Variants in PLCZ1 observed in about 807,000 individuals in gnomAD.
PLCZ1 encodes 1-phosphatidylinositol 4,5-bisphosphate phosphodiesterase zeta-1.
Under a neutral mutation model 76.8 loss-of-function variants are expected in PLCZ1, and 64 were observed. The observed-to-expected ratio is 0.83, with a 90% CI of 0.68 to 1.03. The LOEUF is 1.03. PLCZ1 is among the 50% of genes least tolerant of loss of function. PLCZ1 has a pLI of 0.00. For missense variants in PLCZ1, 751 were observed against 713.7 expected, an observed-to-expected ratio of 1.05 and a Z score of -0.60; for synonymous variants, 248 against 230.8, an observed-to-expected ratio of 1.07 and a Z score of -0.68.
At position 18,687,946 on chromosome 12, in the gene PLCZ1, T is replaced by A. The variant is rs998522701; in HGVS notation, c.1591+143A>T. 1.8e-5 allele frequency: 19 copies of A among 1,052,730 alleles called. No individual in the cohort carries two copies. The African/African-American group carries it at 2.9e-4, about 16-fold the overall frequency. 65.2% of individuals were successfully genotyped at this position (1,052,730 alleles called of 1,614,324 possible). On this transcript the variant is annotated intron_variant, in intron 13 of 14. Transcript: ENST00000266505. Reference sequence around the variant, plus strand: ...ATTATAAAAATGTTTTTGTTGCATATAACATTTTGCTAATTTTGGACATAA... The same window carrying A: ...ATTATAAAAATGTTTTTGTTGCATAAAACATTTTGCTAATTTTGGACATAA...
downstream of PLCZ1, among the ~76,000 whole-genome samples, chr12:18,680,378 T>A (rs536223820): frequency 1.4e-3 from 207 of 152,060 alleles, 1 homozygote; most frequent in African/African-American, 4.8e-3. Flanking sequence ...CTCCCTTATA[T>A]CCAACATTTA....
chr12:18,701,381 T>C (rs1283700276), intron 9 of PLCZ1, 120 bp downstream of exon 9: 5 of 1,519,446 alleles, frequency 3.3e-6, no homozygotes, highest in South Asian at 1.3e-5. Context: ...TTGTAAATGA[T>C]AGACTAGAGT....
the PLCZ1 span, among the ~76,000 whole-genome samples, chr12:18,663,412 A>G: frequency 2.0e-5 from 3 of 152,126 alleles, no homozygotes; most frequent in African/African-American, 7.2e-5. Flanking sequence ...TAACATTTAC[A>G]TTGTGTCAAG....
In PLCZ1 at chr12:18,712,706, A is replaced by G. The variant is rs988119445; in HGVS notation, c.714+136T>C. On this transcript the variant is annotated intron_variant, in intron 6 of 14. Transcript: ENST00000266505. ...TTTAACTATATACAACATGGATTTC[A>G]CTGCCTACTAATGGATCATAACCCA... 8 of 1,054,784 alleles carry G rather than the reference A, an allele frequency of 7.6e-6. No homozygotes were observed. The South Asian group carries it at 9.7e-5, about 13-fold the overall frequency. 65.3% of individuals were successfully genotyped at this position (1,054,784 alleles called of 1,614,324 possible). A position where few individuals can be genotyped will look rare whatever the true frequency, so the allele number is the denominator to read the frequency against.
chr12:18,689,905 G>A (rs2137105059), intron 12 of PLCZ1, among the ~76,000 whole-genome samples: 1 of 152,188 alleles, frequency 6.6e-6, no homozygotes. Context: ...TAATCACAAA[G>A]CTCCCTAGAG....
intron 5 of PLCZ1, chr12:18,713,612 T>C (rs571192913): frequency 6.6e-6 from 1 of 152,596 alleles, no homozygotes; most frequent in African/African-American, 2.4e-5. Flanking sequence ...CATAAGGCCA[T>C]CTCTAATTTT....
intron 5 of PLCZ1, 95 bp from the exon 6 acceptor site, chr12:18,713,081 A>C (rs1957530450): frequency 2.8e-6 from 4 of 1,437,678 alleles, no homozygotes. Context: ...TGATTTTATA[A>C]TAAATGCATA....
At chr12:18,693,379 T>C (rs1299416452) in intron 12 of PLCZ1, 1 of 1,603,630 alleles carries the variant, frequency 6.2e-7, no homozygotes, top group East Asian at 2.2e-5. Context: ...AAGGAATCTG[T>C]GGAGCTTCCT....
the PLCZ1 span, among the ~76,000 whole-genome samples, chr12:18,675,710 A>C: frequency 2.0e-5 from 3 of 152,162 alleles, no homozygotes; most frequent in Non-Finnish European, 4.4e-5. Context: ...GAATAAAATT[A>C]TATCTTTTGC....
chr12:18,650,401 A>T, the PLCZ1 span, among the ~76,000 whole-genome samples: 2 of 136,528 alleles, frequency 1.5e-5, no homozygotes, highest in East Asian at 2.2e-4. Context: ...ATACACACAC[A>T]TTTTTTTTTT....
intron 5 of PLCZ1, among the ~76,000 whole-genome samples, chr12:18,717,345 A>T (rs1427824525): frequency 6.6e-6 from 1 of 152,148 alleles, no homozygotes; most frequent in East Asian, 1.9e-4. Flanking sequence ...AAAATTTGTG[A>T]ATTTATGTCT....
intron 3 of PLCZ1, among the ~76,000 whole-genome samples, chr12:18,727,346 T>G (rs545407149): frequency 6.6e-6 from 1 of 152,060 alleles, no homozygotes; most frequent in Non-Finnish European, 1.5e-5. Context: ...AGACCTTTTC[T>G]CTAATTTTTT....
intron 6 of PLCZ1, among the ~76,000 whole-genome samples, chr12:18,709,795 G>T (rs1957071855): frequency 6.6e-6 from 1 of 152,074 alleles, no homozygotes; most frequent in East Asian, 1.9e-4. Context: ...TGATTCAGGA[G>T]TATAGGATAT....
the PLCZ1 span, among the ~76,000 whole-genome samples, chr12:18,673,392 A>T: frequency 6.6e-6 from 1 of 152,154 alleles, no homozygotes; most frequent in Non-Finnish European, 1.5e-5. Flanking sequence ...GTTATATGAA[A>T]ATATCATAAA....
the PLCZ1 span, among the ~76,000 whole-genome samples, chr12:18,672,635 T>C: frequency 3.3e-3 from 503 of 152,324 alleles, 5 homozygotes; most frequent in African/African-American, 0.011. Flanking sequence ...TTTTCTTTAC[T>C]GACACTGAGT....
the PLCZ1 span, among the ~76,000 whole-genome samples, chr12:18,670,974 A>C: frequency 6.6e-6 from 1 of 152,026 alleles, no homozygotes; most frequent in East Asian, 1.9e-4. Context: ...TGAGGTCAGG[A>C]GTTAGAGCAC....
the PLCZ1 span, among the ~76,000 whole-genome samples, chr12:18,652,259 A>G: frequency 6.6e-6 from 1 of 152,162 alleles, no homozygotes; most frequent in African/African-American, 2.4e-5. Context: ...TATACCAGTC[A>G]CATATAAGTA....
At chr12:18,653,101 GA>G in the PLCZ1 span, among the ~76,000 whole-genome samples, 1 of 151,952 alleles carries the variant, frequency 6.6e-6, no homozygotes, top group African/African-American at 2.4e-5. Context: ...GCACAGGCTG[GA>G]AAAAAATAAA....
the PLCZ1 span, among the ~76,000 whole-genome samples, chr12:18,647,307 C>T: frequency 4.0e-5 from 6 of 151,732 alleles, no homozygotes; most frequent in African/African-American, 1.2e-4. Flanking sequence ...AGAGAAGAAA[C>T]AAGAAGGAGA....
Sources: allele counts gnomAD v4.1 joint callset (sites outside exome capture counted in the v4.1 genomes callset), GRCh38; gene constraint gnomAD v4.1.1; transcripts MANE v1.5; gene names NCBI Gene and HGNC (gene_info 2026-07-23, HGNC 2026-07-21).